The following FLVCR1 variants were observed in gnomAD, a reference collection of about 807,000 sequenced individuals.
The protein encoded by FLVCR1 is FLVCR choline and heme transporter 1, also known as choline/ethanolamine transporter FLVCR1.
In FLVCR1, 34 loss-of-function variants were observed where a neutral mutation model predicts 53.6. The ratio of observed to expected loss-of-function variants is 0.63; its 90% CI spans 0.48 to 0.84. FLVCR1 has a LOEUF of 0.84. Among genes scored for constraint, FLVCR1 ranks in the 40% least tolerant of loss-of-function variants. The pLI is 0.00. For missense variants in FLVCR1, 677 were observed against 696.7 expected (o/e 0.97, Z 0.32); for synonymous variants, 300 against 286.3 (o/e 1.05, Z -0.48).
chr1:212,895,746 C>G lies in FLVCR1; in HGVS notation c.*456C>G. 1 of 213,538 alleles carries G rather than the reference C, an allele frequency of 4.7e-6. No homozygotes were observed. The highest frequency in any genetic ancestry group is 7.4e-5 in the South Asian group (1 of 13,564). 13.2% of individuals were successfully genotyped at this position (213,538 alleles called of 1,614,324 possible). On this transcript the variant is annotated 3_prime_UTR_variant, in exon 10 of 10. Transcript: ENST00000366971. The stretch of plus-strand genomic sequence containing the variant: ...GTACAATATATTCCTAATTGGCTGC[C>G]TTTTTCACTGTGCTGACCAGCTGTT...
chr1:212,891,976 G>A (rs530712427), intron 8 of FLVCR1, among the ~76,000 whole-genome samples: 4 of 152,320 alleles, frequency 2.6e-5, no homozygotes, highest in East Asian at 1.9e-4. Context: ...CAACATCGCC[G>A]TAAGCCAAAG....
At chr1:212,865,818 T>TC (rs200656528) in intron 2 of FLVCR1, among the ~76,000 whole-genome samples, 95 of 134,950 alleles carry the variant, frequency 7.0e-4, no homozygotes, top group Admixed American at 7.0e-3. Flanking sequence ...ATTCTCTCTC[T>TC]TTTTTTTTTT....
intron 6 of FLVCR1, 52 bp downstream of exon 6, chr1:212,888,053 A>G (rs768770222): frequency 2.4e-5 from 25 of 1,047,376 alleles, no homozygotes; most frequent in Middle Eastern, 2.0e-4. Context: ...TATAATTCTG[A>G]AGTATTATTA....
chr1:212,866,046 G>A (rs866016670), intron 2 of FLVCR1, among the ~76,000 whole-genome samples: 40 of 104,496 alleles, frequency 3.8e-4, no homozygotes, highest in African/African-American at 1.1e-3. Context: ...GTGCAGTGGC[G>A]CAATTTCGAC....
chr1:212,875,758 T>A (rs1411546521), intron 3 of FLVCR1, among the ~76,000 whole-genome samples: 1 of 151,406 alleles, frequency 6.6e-6, no homozygotes, highest in Non-Finnish European at 1.5e-5. Flanking sequence ...GGAGAATCGC[T>A]TGAACCCAGG....
At chr1:212,870,583 A>G (rs1035363852) in intron 2 of FLVCR1, among the ~76,000 whole-genome samples, 88 of 152,174 alleles carry the variant, frequency 5.8e-4, no homozygotes, top group African/African-American at 2.0e-3. Flanking sequence ...TTTCAAACAC[A>G]AAGCAGGTCT....
At chr1:212,893,385 T>C (rs573415404) in intron 8 of FLVCR1, among the ~76,000 whole-genome samples, 1 of 152,194 alleles carries the variant, frequency 6.6e-6, no homozygotes, top group East Asian at 1.9e-4. Context: ...GCAAAGAAAG[T>C]GTTTTCTTGA....
chr1:212,881,489 C>T (rs1045292929), intron 3 of FLVCR1, among the ~76,000 whole-genome samples: 3 of 152,102 alleles, frequency 2.0e-5, no homozygotes, highest in Non-Finnish European at 4.4e-5. Context: ...CAGGCGCACA[C>T]CACTGCGCCT....
Position 212,860,350 on chromosome 1 carries a change from GTTTTT to G in FLVCR1, c.738+1174_738+1178del, listed in dbSNP as rs567270153. 8.2e-5 allele frequency among the ~76,000 whole-genome samples: 7 copies of G among 85,850 alleles called. No individual in the cohort carries two copies. The East Asian group carries it at 1.2e-3, about 15-fold the overall frequency. 56.3% of individuals were successfully genotyped at this position (85,850 alleles called of 152,430 possible). A position where few individuals can be genotyped will look rare whatever the true frequency, so the allele number is the denominator to read the frequency against. ...TATTATAAAGTTTTTTGTGTGTGTG[GTTTTT>G]TTTTTTTTTTTTTGTAGAAATGGGG... On this transcript the variant is annotated intron_variant, in intron 1 of 9. Transcript: ENST00000366971.
chr1:212,859,954 TC>T (rs1664169923), intron 1 of FLVCR1, among the ~76,000 whole-genome samples: 2 of 152,120 alleles, frequency 1.3e-5, no homozygotes, highest in Admixed American at 6.6e-5. Flanking sequence ...TCAGCACAGT[TC>T]CTGGCACATA....
chr1:212,885,156 A>G, intron 4 of FLVCR1, 137 bp from the exon 5 acceptor site: 1 of 712,450 alleles, frequency 1.4e-6, no homozygotes, highest in Non-Finnish European at 2.6e-6. Flanking sequence ...CCACACTGAC[A>G]CATGTACTAA....
At chr1:212,872,510 A>G (rs1416247801) in intron 2 of FLVCR1, among the ~76,000 whole-genome samples, 168 bp from the exon 3 acceptor site, 6 of 152,328 alleles carry the variant, frequency 3.9e-5, no homozygotes, top group Middle Eastern at 3.4e-3. Context: ...TCACTTAGAA[A>G]TCAGTGAAAA....
intron 8 of FLVCR1, among the ~76,000 whole-genome samples, chr1:212,890,418 G>A (rs942511240): frequency 1.3e-5 from 2 of 151,792 alleles, no homozygotes; most frequent in Admixed American, 6.6e-5. Flanking sequence ...AATATCTTGG[G>A]CCACACATGA....
intron 1 of FLVCR1, among the ~76,000 whole-genome samples, chr1:212,861,285 GCTTGGAATATT>G (rs1664232721): frequency 6.6e-6 from 1 of 152,156 alleles, no homozygotes; most frequent in Non-Finnish European, 1.5e-5. Flanking sequence ...TGTCCTGTTG[GCTTGGAATATT>G]TCTTCACTTG....
At chr1:212,868,761 A>G (rs1874420) in intron 2 of FLVCR1, among the ~76,000 whole-genome samples, 34,325 of 152,198 alleles carry the variant, frequency 0.23, 4,513 homozygotes, top group East Asian at 0.45. Context: ...AAGAATTTCA[A>G]ACTCCTGAGG....
chr1:212,860,545 G>T (rs1441493309), intron 1 of FLVCR1, among the ~76,000 whole-genome samples: 1 of 151,624 alleles, frequency 6.6e-6, no homozygotes, highest in Admixed American at 6.6e-5. Context: ...TAAATATTCA[G>T]TAGCATTTCT....
chr1:212,884,050 G>T (rs1664993729), intron 4 of FLVCR1, among the ~76,000 whole-genome samples: 1 of 152,190 alleles, frequency 6.6e-6, no homozygotes, highest in African/African-American at 2.4e-5. Context: ...GCTCACGCCT[G>T]TAATCCCAGC....
At chr1:212,872,394 G>T (rs41296740) in intron 2 of FLVCR1, among the ~76,000 whole-genome samples, 187 of 152,270 alleles carry the variant, frequency 1.2e-3, no homozygotes, top group Middle Eastern at 3.4e-3. Context: ...AGTAGGCAAG[G>T]TTGTGGCATA....
intron 2 of FLVCR1, among the ~76,000 whole-genome samples, chr1:212,867,832 C>A (rs1286407817): frequency 7.2e-6 from 1 of 138,968 alleles, no homozygotes; most frequent in East Asian, 2.1e-4. Context: ...GAGATGGAGT[C>A]TCGCTCTTTC....
Sources: gnomAD v4.1 joint callset for allele counts (sites outside exome capture counted in the v4.1 genomes callset) on GRCh38, gnomAD v4.1.1 for gene constraint, MANE v1.5 for transcripts, NCBI Gene and HGNC (gene_info 2026-07-23, HGNC 2026-07-21) for gene names.